Variants in PCSK6 observed in about 807,000 individuals in gnomAD.
The protein encoded by PCSK6 is paired basic amino acid cleaving enzyme 4.
PCSK6 carries 85 observed loss-of-function variants against 123.3 expected under a neutral mutation model. The ratio of observed to expected loss-of-function variants is 0.69; its 90% CI spans 0.58 to 0.83. The LOEUF (loss-of-function observed/expected upper bound fraction) is 0.83. PCSK6 is among the 40% of genes least tolerant of loss of function. PCSK6 has a pLI of 0.00. For missense variants in PCSK6, 1,191 were observed against 1,282.3 expected (o/e 0.93, Z 1.09); for synonymous variants, 508 against 516.0 (o/e 0.98, Z 0.21).
chr15:101,409,246 A>G (rs560284208), intron 6 of PCSK6, among the ~76,000 whole-genome samples: 1 of 152,038 alleles, frequency 6.6e-6, no homozygotes, highest in East Asian at 1.9e-4. Context: ...TCACGAGGTC[A>G]GGAGATCGAG....
chr15:101,357,672 A>G (rs7169073), intron 13 of PCSK6, among the ~76,000 whole-genome samples: 3,632 of 152,324 alleles, frequency 0.024, 97 homozygotes, highest in African/African-American at 0.064. Flanking sequence ...GTGGCCTCAC[A>G]GGCATGCTCT....
Position 101,384,104 on chromosome 15 carries a change from G to C in PCSK6, c.1414+218C>G, listed in dbSNP as rs558065791. 4 of 984,600 alleles carry C rather than the reference G, an allele frequency of 4.1e-6. No homozygotes were observed. The East Asian group carries it at 4.6e-4, about 112-fold the overall frequency. The allele number at this position is 984,600 out of a possible 1,614,324, so 61.0% of individuals were successfully genotyped here. On this transcript the variant is annotated intron_variant, in intron 10 of 21. Coordinates refer to ENST00000611716, the MANE Select transcript of PCSK6 (RefSeq NM_002570.5). ...GTGGCCAAAGTTATAGAGTATAGGAGACCCCAGACTCTTGTGACCTGAGGG... is the reference window on the plus strand; with the variant it reads ...GTGGCCAAAGTTATAGAGTATAGGACACCCCAGACTCTTGTGACCTGAGGG...
At position 101,398,594 on chromosome 15, in the gene PCSK6, G is replaced by C. The variant is rs763015289; in HGVS notation, c.824-18C>G. On this transcript the variant is annotated intron_variant, in intron 6 of 21. Coordinates refer to ENST00000611716, the MANE Select transcript of PCSK6 (RefSeq NM_002570.5). The surrounding 1 kb of genome is among the most constrained non-coding windows in gnomAD (Gnocchi z 4.6). ...GCGGATGCCTGAAAGCACAGAGGAG[G>C]CTCGGTGTCGGCGCCCAGGCTCCGG... is the stretch of plus-strand genomic sequence containing the variant. 6.3e-7 allele frequency: 1 copy of C among 1,598,160 alleles called. No homozygotes were observed. The highest frequency in any genetic ancestry group is 1.7e-5 in the Admixed American group (1 of 59,642).
intron 19 of PCSK6, among the ~76,000 whole-genome samples, chr15:101,314,485 G>A (rs544572551): frequency 2.6e-5 from 4 of 152,346 alleles, no homozygotes; most frequent in Admixed American, 6.5e-5. Context: ...GCTTCAGTTC[G>A]ATTGTGGTCG....
At chr15:101,458,288 C>T (rs970374940) in intron 1 of PCSK6, among the ~76,000 whole-genome samples, 3 of 152,168 alleles carry the variant, frequency 2.0e-5, no homozygotes, top group African/African-American at 4.8e-5. Flanking sequence ...GCTGTGTGTT[C>T]GCTTTGCCCC....
chr15:101,468,582 G>C (rs914718323), intron 1 of PCSK6, among the ~76,000 whole-genome samples: 1 of 152,144 alleles, frequency 6.6e-6, no homozygotes, highest in African/African-American at 2.4e-5. Flanking sequence ...CATGACTCCA[G>C]GACTCCACAA....
intron 11 of PCSK6, among the ~76,000 whole-genome samples, chr15:101,373,199 C>CGCT (rs1567172742): frequency 1.3e-5 from 2 of 152,282 alleles, no homozygotes; most frequent in Admixed American, 1.3e-4. Flanking sequence ...CCGCCAGCCC[C>CGCT]GCTGCTGCTG....
chr15:101,464,302 T>G (rs1394309436), intron 1 of PCSK6, among the ~76,000 whole-genome samples: 1 of 152,142 alleles, frequency 6.6e-6, no homozygotes. Flanking sequence ...GGCAGGAGCC[T>G]GGGAGGTGGG....
chr15:101,370,588 G>A, intron 11 of PCSK6, 65 bp from the exon 12 acceptor site: 1 of 1,361,532 alleles, frequency 7.3e-7, no homozygotes, highest in South Asian at 1.7e-5. Flanking sequence ...ACACAGCCAG[G>A]AGCTCCAGCG....
In PCSK6 at chr15:101,305,974, AC is replaced by A. The variant is rs1386148555; in HGVS notation, c.2813-620del. ...GGTGTGGGAGGGATCTCAGGAGAAC[AC>A]CCAGCCTGGGCCTGTGGGGCACATG... On this transcript the variant is annotated intron_variant, in intron 21 of 21. Transcript: ENST00000611716. This position sits in a 1 kb window ranked among gnomAD's most constrained non-coding sequence, Gnocchi z 4.8. Among the ~76,000 whole-genome samples the A allele has an allele frequency of 2.0e-5, 3 of 151,936 alleles. No individual in the cohort carries two copies. Among genetic ancestry groups the A allele is most frequent in the Non-Finnish European group, 2.9e-5 (2 of 68,006 alleles).
intron 19 of PCSK6, among the ~76,000 whole-genome samples, chr15:101,315,481 T>C (rs1196382072): frequency 1.3e-5 from 2 of 152,258 alleles, no homozygotes; most frequent in Non-Finnish European, 2.9e-5. Context: ...GCTGTGCTTA[T>C]ACAGGACCTG....
intron 11 of PCSK6, among the ~76,000 whole-genome samples, chr15:101,377,031 G>A (rs956986069): frequency 3.9e-5 from 6 of 152,252 alleles, no homozygotes; most frequent in Non-Finnish European, 7.3e-5. Context: ...CAAAGAAAAC[G>A]AGGGCTCTTG....
chr15:101,305,976 C>T lies in PCSK6; in HGVS notation c.2813-621G>A, dbSNP rs541988885. 6.6e-6 allele frequency among the ~76,000 whole-genome samples: 1 copy of T among 152,220 alleles called. No individual in the cohort carries two copies. Among genetic ancestry groups the T allele is most frequent in the Non-Finnish European group, 1.5e-5 (1 of 68,012 alleles). ...TGTGGGAGGGATCTCAGGAGAACACCCAGCCTGGGCCTGTGGGGCACATGT... is the reference window on the plus strand; with the variant it reads ...TGTGGGAGGGATCTCAGGAGAACACTCAGCCTGGGCCTGTGGGGCACATGT... On this transcript the variant is annotated intron_variant, in intron 21 of 21. Coordinates refer to ENST00000611716, the MANE Select transcript of PCSK6 (RefSeq NM_002570.5). The surrounding 1 kb of genome is among the most constrained non-coding windows in gnomAD (Gnocchi z 4.8).
At chr15:101,437,134 C>T (rs1018626102) in intron 2 of PCSK6, among the ~76,000 whole-genome samples, 1 of 152,186 alleles carries the variant, frequency 6.6e-6, no homozygotes, top group African/African-American at 2.4e-5. Flanking sequence ...CCTGTGATTC[C>T]CCCAAATGGC....
At chr15:101,384,463 C>A in intron 9 of PCSK6, 38 bp from the exon 10 acceptor site, 1 of 1,567,914 alleles carries the variant, frequency 6.4e-7, no homozygotes, top group Non-Finnish European at 8.7e-7. Flanking sequence ...CCACACAGCT[C>A]AACAACGGCA....
intron 1 of PCSK6, among the ~76,000 whole-genome samples, chr15:101,460,543 A>G (rs972701611): frequency 6.6e-6 from 1 of 152,242 alleles, no homozygotes; most frequent in Non-Finnish European, 1.5e-5. Flanking sequence ...CCACTCTGTC[A>G]AGAGGTGTAA....
intron 6 of PCSK6, among the ~76,000 whole-genome samples, chr15:101,427,386 A>C (rs182137191): frequency 6.6e-6 from 1 of 152,276 alleles, no homozygotes; most frequent in Non-Finnish European, 1.5e-5. Flanking sequence ...GAATGGTTCA[A>C]GCCCAGGCAT....
Position 101,322,524 on chromosome 15 carries a change from A to G in PCSK6, c.2461T>C (p.Phe821Leu). The G allele has an allele frequency of 6.2e-7, 1 of 1,611,596 alleles. No homozygotes were observed. Among genetic ancestry groups the G allele is most frequent in the African/African-American group, 1.3e-5 (1 of 74,974 alleles). ...PEKCTVCKEG[F>L]SLARGSCIPD... ...CAGGTTTCGAGGGGGTTTTACCTGAATCCTTCTTTACAGACAGTACATTTC... is the reference window on the plus strand; with the variant it reads ...CAGGTTTCGAGGGGGTTTTACCTGAGTCCTTCTTTACAGACAGTACATTTC... Residue 821 changes from phenylalanine (F) to leucine (L), a missense_variant, in exon 18 of 22, where the codon TTC becomes CTC. Transcript: ENST00000611716.
At chr15:101,374,834 G>A (rs1197452453) in intron 11 of PCSK6, among the ~76,000 whole-genome samples, 4 of 152,234 alleles carry the variant, frequency 2.6e-5, no homozygotes, top group Non-Finnish European at 5.9e-5. Context: ...TCTCAGACCT[G>A]TGTTCCAGGA....
Sources: gnomAD v4.1 joint callset for allele counts (sites outside exome capture counted in the v4.1 genomes callset) on GRCh38, gnomAD v4.1.1 for gene constraint, Gnocchi (gnomAD v3.1) non-coding constraint, MANE v1.5 for transcripts, NCBI Gene and HGNC (gene_info 2026-07-23, HGNC 2026-07-21) for gene names.